Variants in MACF1 observed in about 807,000 individuals in gnomAD.
MACF1 encodes microtubule actin crosslinking factor 1.
MACF1 carries 193 observed loss-of-function variants against 854.8 expected under a neutral mutation model. The ratio of observed to expected loss-of-function variants is 0.23; its 90% confidence interval spans 0.20 to 0.25. The LOEUF is 0.25. Ranked by LOEUF, MACF1 falls within the 10% of genes least tolerant of loss-of-function variation. MACF1 has a pLI of 1.00. For synonymous variants in MACF1, 3,185 were observed against 3,226.7 expected (o/e 0.99, Z 0.44); for missense variants, 7,722 against 8,929.1 (o/e 0.86, Z 5.45).
At chr1:39,300,560 T>C (rs141692977) in intron 22 of MACF1, among the ~76,000 whole-genome samples, 198 bp downstream of exon 22, 1 of 152,066 alleles carries the variant, frequency 6.6e-6, no homozygotes, top group Admixed American at 6.6e-5. Flanking sequence ...ACCTGCTCCC[T>C]GCCTCAGTGA....
intron 2 of MACF1, among the ~76,000 whole-genome samples, chr1:39,133,586 T>C (rs975930720): frequency 6.6e-6 from 1 of 152,208 alleles, no homozygotes; most frequent in South Asian, 2.1e-4. Context: ...TTCCCAACTT[T>C]ATAAAGGTAT....
chr1:39,141,789 C>T (rs1643350785), intron 2 of MACF1, among the ~76,000 whole-genome samples: 1 of 151,836 alleles, frequency 6.6e-6, no homozygotes, highest in South Asian at 2.1e-4. Context: ...AGATGAAATG[C>T]GTGTATCTTG....
chr1:39,208,025 C>T (rs1215293604), intron 1 of MACF1, among the ~76,000 whole-genome samples: 1 of 150,526 alleles, frequency 6.6e-6, no homozygotes, highest in Admixed American at 6.6e-5. Flanking sequence ...CCCAGCTACT[C>T]GGGAGGCTGA....
intron 22 of MACF1, among the ~76,000 whole-genome samples, chr1:39,301,204 G>T (rs1199550562): frequency 6.6e-6 from 1 of 152,046 alleles, no homozygotes; most frequent in East Asian, 1.9e-4. Context: ...TCAGCTCACT[G>T]CAAGCTCCGC....
At position 39,331,781 on chromosome 1, in the gene MACF1, A is replaced by T. The variant is rs760821821; in HGVS notation, c.5193A>T (p.Lys1731Asn). The T allele has an allele frequency of 6.2e-7, 1 of 1,614,048 alleles. No individual in the cohort carries two copies. The highest frequency in any genetic ancestry group is 8.5e-7 in the Non-Finnish European group (1 of 1,180,036). Residue 1731 changes from lysine to asparagine, a missense_variant, in exon 37 of 101, where the codon AAA (lysine) becomes AAT (asparagine). This residue lies in a region of MACF1 where 1,531 missense variants were observed against 1,601.6 expected (regional missense o/e 0.96). Coordinates refer to ENST00000564288, the MANE Select transcript of MACF1 (RefSeq NM_001394062.1). ...QESGFKLLPV[K>N]QLAGGMVSLK... ...CAGGATTCAAATTACTGCCTGTCAAACAATTGGCAGGGGGGATGGTGAGCT... is the reference window on the plus strand; with the variant it reads ...CAGGATTCAAATTACTGCCTGTCAATCAATTGGCAGGGGGGATGGTGAGCT...
chr1:39,102,677 C>T, intron 2 of MACF1: 1 of 678,860 alleles, frequency 1.5e-6, no homozygotes, highest in South Asian at 1.5e-5. Flanking sequence ...CATTAATTTC[C>T]TTGTATTACT....
intron 2 of MACF1, among the ~76,000 whole-genome samples, chr1:39,188,641 T>C (rs1043369367): frequency 9.2e-5 from 14 of 152,296 alleles, no homozygotes; most frequent in African/African-American, 3.1e-4. Flanking sequence ...GATTGATTGA[T>C]TGATTGAGAC....
chr1:39,263,764 C>A (rs375645430), intron 6 of MACF1, among the ~76,000 whole-genome samples: 4 of 96,040 alleles, frequency 4.2e-5, no homozygotes, highest in Admixed American at 3.7e-4. Context: ...CATCTTTTTT[C>A]TTTTTTCTTT....
intron 44 of MACF1, among the ~76,000 whole-genome samples, chr1:39,356,456 T>G (rs1261735970): frequency 6.6e-6 from 1 of 151,896 alleles, no homozygotes; most frequent in African/African-American, 2.4e-5. Context: ...CACTGCAATC[T>G]CTGCCTCCCA....
chr1:39,243,085 T>G (rs903631663), intron 2 of MACF1, among the ~76,000 whole-genome samples: 1 of 152,230 alleles, frequency 6.6e-6, no homozygotes, highest in Non-Finnish European at 1.5e-5. Flanking sequence ...GGTTCTAGAT[T>G]CTCTGCTTTT....
chr1:39,140,743 C>T (rs1188842324), intron 2 of MACF1, among the ~76,000 whole-genome samples: 1 of 151,672 alleles, frequency 6.6e-6, no homozygotes, highest in South Asian at 2.1e-4. Flanking sequence ...GGTGAAACCC[C>T]GTCTCTACTA....
intron 2 of MACF1, among the ~76,000 whole-genome samples, chr1:39,236,818 A>C (rs1285096069): frequency 6.6e-6 from 1 of 152,008 alleles, no homozygotes; most frequent in African/African-American, 2.4e-5. Flanking sequence ...TGTGCCACCA[A>C]AGCCTGGCTA....
At chr1:39,266,278 C>T (rs1645230212) in intron 6 of MACF1, among the ~76,000 whole-genome samples, 1 of 152,198 alleles carries the variant, frequency 6.6e-6, no homozygotes, top group Non-Finnish European at 1.5e-5. Flanking sequence ...TCCCATAGTT[C>T]CAGGTTTCTT....
chr1:39,416,539 G>A (rs1643319495), intron 58 of MACF1, among the ~76,000 whole-genome samples: 1 of 151,552 alleles, frequency 6.6e-6, no homozygotes, highest in Admixed American at 6.6e-5. Flanking sequence ...TTATATAGCA[G>A]TAATCATGAA....
chr1:39,108,470 AC>A (rs1642304335), intron 2 of MACF1, among the ~76,000 whole-genome samples: 1 of 149,722 alleles, frequency 6.7e-6, no homozygotes, highest in African/African-American at 2.5e-5. Flanking sequence ...ATTTGGATTT[AC>A]CTGGGAGATT....
intron 58 of MACF1, among the ~76,000 whole-genome samples, chr1:39,419,701 C>T (rs188593132): frequency 1.8e-4 from 27 of 151,702 alleles, no homozygotes; most frequent in Admixed American, 1.4e-3. Flanking sequence ...GGCATGATCT[C>T]GGCTCACTGA....
chr1:39,385,731 C>T lies in MACF1; in HGVS notation c.14146C>T (p.Pro4716Ser). ...LSVQSAISTQ[P>S]EAVKQQLEET... Reference sequence around the variant, plus strand: ...TGTCCAGTCAGCTATCAGCACCCAACCAGAGGCTGTAAAGCAGCAATTGGA... The same window carrying T: ...TGTCCAGTCAGCTATCAGCACCCAATCAGAGGCTGTAAAGCAGCAATTGGA... The change falls in exon 57 of 101, where the codon CCA becomes TCA. Residue 4716 changes from proline (P) to serine (S), a missense_variant. By Grantham distance (74) the Pro-to-Ser change is moderately conservative. Transcript: ENST00000564288. 6.2e-7 allele frequency: 1 copy of T among 1,614,148 alleles called. No individual in the cohort carries two copies. Among genetic ancestry groups the T allele is most frequent in the Non-Finnish European group, 8.5e-7 (1 of 1,180,022 alleles).
Position 39,357,694 on chromosome 1 carries a change from C to T in MACF1, c.11744C>T (p.Ser3915Phe), listed in dbSNP as rs759606046. The change falls in exon 45 of 101, where the codon TCC (serine) becomes TTC (phenylalanine). Residue 3915 changes from serine to phenylalanine, a missense_variant. By Grantham distance (155) the Ser-to-Phe change is radical (BLOSUM62 -2). Transcript: ENST00000564288. ...KGGSSPETLP[S>F]LLKRQGSFSE... is the part of the protein sequence containing the mutation. ...GGCAGCAGCCCCGAGACCCTTCCCT[C>T]CCTGCTAAAGCGGCAAGGAAGCTTC... 1 of 1,614,124 alleles carries T rather than the reference C, an allele frequency of 6.2e-7. No individual in the cohort carries two copies. The highest frequency in any genetic ancestry group is 8.5e-7 in the Non-Finnish European group (1 of 1,180,018).
intron 2 of MACF1, among the ~76,000 whole-genome samples, chr1:39,129,992 G>A (rs1642956890): frequency 6.6e-6 from 1 of 152,108 alleles, no homozygotes; most frequent in South Asian, 2.1e-4. Context: ...TGTTTTGATT[G>A]CTTGATTTAG....
Sources: gnomAD v4.1 joint callset for allele counts (sites outside exome capture counted in the v4.1 genomes callset) on GRCh38, gnomAD v4.1.1 for gene constraint, gnomAD v4.1.1 regional missense constraint, MANE v1.5 for transcripts, NCBI Gene and HGNC (gene_info 2026-07-23, HGNC 2026-07-21) for gene names.